The following CDH12 variants were observed in gnomAD, a reference collection of about 807,000 sequenced individuals.
The protein encoded by CDH12 is cadherin-12.
Under a neutral mutation model 74.1 loss-of-function variants are expected in CDH12, and 41 were observed. That is an observed-to-expected ratio of 0.55 (90% CI 0.43 to 0.72). The LOEUF is 0.72. Ranked by LOEUF, CDH12 falls within the 30% of genes least tolerant of loss-of-function variation. The pLI is 0.00. For synonymous variants in CDH12, 399 were observed against 355.0 expected (o/e 1.12, Z -1.39); for missense variants, 945 against 977.2 (o/e 0.97, Z 0.44).
At chr5:22,459,139 AAATT>A in intron 2 of CDH12, among the ~76,000 whole-genome samples, 1 of 152,242 alleles carries the variant, frequency 6.6e-6, no homozygotes, top group Admixed American at 6.5e-5. Flanking sequence ...TGTAATTGAA[AAATT>A]AATTATCTAC....
At chr5:22,225,905 C>CACT in intron 3 of CDH12, among the ~76,000 whole-genome samples, 1 of 117,490 alleles carries the variant, frequency 8.5e-6, no homozygotes, top group East Asian at 2.6e-4. Flanking sequence ...TGGCCTCTAA[C>CACT]AATAACAACA....
chr5:22,729,332 A>C (rs1744316081), intron 1 of CDH12, among the ~76,000 whole-genome samples: 2 of 151,862 alleles, frequency 1.3e-5, no homozygotes, highest in Non-Finnish European at 2.9e-5. Context: ...CATCCAGGGC[A>C]TGATGAATCC....
intron 1 of CDH12, among the ~76,000 whole-genome samples, chr5:22,598,983 T>A (rs549518388): frequency 6.6e-6 from 1 of 152,196 alleles, no homozygotes; most frequent in South Asian, 2.1e-4. Flanking sequence ...ACCTCCTGCA[T>A]GCTGGATCTG....
chr5:22,709,430 C>T (rs918585569), intron 1 of CDH12, among the ~76,000 whole-genome samples: 1 of 152,082 alleles, frequency 6.6e-6, no homozygotes, highest in South Asian at 2.1e-4. Flanking sequence ...TTTAACAACT[C>T]ATCTGTCAGC....
intron 3 of CDH12, among the ~76,000 whole-genome samples, chr5:22,333,725 C>T (rs1042424644): frequency 7.9e-5 from 12 of 152,116 alleles, no homozygotes; most frequent in African/African-American, 2.7e-4. Context: ...TTGATACAAA[C>T]ATTCTTAACG....
At chr5:22,485,370 T>C (rs1275498001) in intron 2 of CDH12, among the ~76,000 whole-genome samples, 1 of 152,176 alleles carries the variant, frequency 6.6e-6, no homozygotes, top group Non-Finnish European at 1.5e-5. Context: ...TACATTGTTT[T>C]AAAAGAGACA....
At chr5:22,041,840 A>G (rs922552881) in intron 5 of CDH12, among the ~76,000 whole-genome samples, 1 of 152,192 alleles carries the variant, frequency 6.6e-6, no homozygotes, top group African/African-American at 2.4e-5. Flanking sequence ...TTTCTTACTT[A>G]GCAGCAGAAT....
At chr5:22,057,999 TTCTATCTATCTATCTATCTATCTA>T (rs79909356) in intron 5 of CDH12, among the ~76,000 whole-genome samples, 6 of 149,256 alleles carry the variant, frequency 4.0e-5, no homozygotes, top group African/African-American at 9.9e-5. Context: ...TTTCCTTGTA[TTCTATCTATCTATCTATCTATCTA>T]TCTATCTATC....
chr5:22,258,399 G>C (rs1377406638), intron 3 of CDH12, among the ~76,000 whole-genome samples: 2 of 151,948 alleles, frequency 1.3e-5, no homozygotes, highest in Non-Finnish European at 2.9e-5. Flanking sequence ...CTTAACTCCC[G>C]AGCTATGATC....
chr5:22,246,602 T>A lies in CDH12; in HGVS notation c.-332-33959A>T, dbSNP rs149268040. Among the ~76,000 whole-genome samples the A allele has an allele frequency of 6.0e-3, 909 of 152,252 alleles. 5 individuals are homozygous for A. The highest frequency in any genetic ancestry group is 9.3e-3 in the Non-Finnish European group (635 of 67,984). On this transcript the variant is annotated intron_variant, in intron 3 of 14. Coordinates refer to ENST00000382254, the MANE Select transcript of CDH12 (RefSeq NM_004061.5). ...AATCTTGAAAAAGAAAACAAAGAAA[T>A]TCTAAAGATTCAACATTTAGTTCTT...
At chr5:22,618,627 T>A (rs1016661345) in intron 1 of CDH12, among the ~76,000 whole-genome samples, 2 of 152,156 alleles carry the variant, frequency 1.3e-5, no homozygotes, top group Admixed American at 1.3e-4. Context: ...AAGTCAGGTG[T>A]CAGTAACTGA....
intron 3 of CDH12, among the ~76,000 whole-genome samples, chr5:22,309,103 G>C (rs532350645): frequency 2.0e-5 from 3 of 152,136 alleles, no homozygotes; most frequent in Non-Finnish European, 4.4e-5. Flanking sequence ...AAGGTATACA[G>C]TATTGTACCA....
chr5:22,721,166 C>G (rs997086898), intron 1 of CDH12, among the ~76,000 whole-genome samples: 4 of 152,224 alleles, frequency 2.6e-5, no homozygotes, highest in African/African-American at 9.6e-5. Flanking sequence ...CAGGGCCCCA[C>G]TGCTGCTCTG....
At chr5:22,224,474 T>C (rs2150370871) in intron 3 of CDH12, among the ~76,000 whole-genome samples, 1 of 152,184 alleles carries the variant, frequency 6.6e-6, no homozygotes, top group Admixed American at 6.6e-5. Flanking sequence ...TGTTCTTTTG[T>C]TGTAGATGTT....
At chr5:21,764,336 T>C (rs1744889085) in intron 12 of CDH12, among the ~76,000 whole-genome samples, 1 of 151,898 alleles carries the variant, frequency 6.6e-6, no homozygotes, top group Non-Finnish European at 1.5e-5. Context: ...ATCAGGCCAC[T>C]GCACTCCAGC....
intron 3 of CDH12, among the ~76,000 whole-genome samples, chr5:22,372,410 G>A (rs1198202719): frequency 1.3e-5 from 2 of 152,034 alleles, no homozygotes; most frequent in African/African-American, 4.8e-5. Flanking sequence ...TTCCTGCACA[G>A]ACTTCCACAA....
At chr5:22,004,634 G>T (rs926980057) in intron 5 of CDH12, among the ~76,000 whole-genome samples, 3 of 152,170 alleles carry the variant, frequency 2.0e-5, no homozygotes, top group Non-Finnish European at 4.4e-5. Context: ...ACCAAATTGA[G>T]TATTGTTGTC....
intron 1 of CDH12, among the ~76,000 whole-genome samples, chr5:22,571,106 G>A (rs1580775568): frequency 1.3e-5 from 2 of 152,074 alleles, no homozygotes; most frequent in African/African-American, 4.8e-5. Flanking sequence ...CTATGCAGGG[G>A]TATGTTTTGG....
intron 1 of CDH12, among the ~76,000 whole-genome samples, chr5:22,615,864 G>A (rs183986237): frequency 6.6e-5 from 10 of 151,626 alleles, no homozygotes; most frequent in Admixed American, 6.6e-4. Context: ...TAAGCTTTGA[G>A]GGGGTAGATC....
Sources: gnomAD v4.1 joint callset for allele counts (sites outside exome capture counted in the v4.1 genomes callset) on GRCh38, gnomAD v4.1.1 for gene constraint, MANE v1.5 for transcripts, NCBI Gene and HGNC (gene_info 2026-07-23, HGNC 2026-07-21) for gene names.